Variants in COL4A4 observed in about 807,000 individuals in gnomAD.
The protein encoded by COL4A4 is collagen type IV alpha 4 chain.
COL4A4 carries 105 observed loss-of-function variants against 192.9 expected under a neutral mutation model. That is an observed-to-expected ratio of 0.54 (90% confidence interval 0.46 to 0.64). COL4A4 has a LOEUF of 0.64. COL4A4 is among the 30% of genes least tolerant of loss of function. The pLI is 0.00. For synonymous variants in COL4A4, 762 were observed against 769.9 expected (o/e 0.99, Z 0.17); for missense variants, 1,967 against 2,169.3 (o/e 0.91, Z 1.85).
Position 227,041,783 on chromosome 2 carries a change from G to GGAAAGAAAGA in COL4A4, c.3505+364_3505+365insTCTTTCTTTC, listed in dbSNP as rs1559476215. On this transcript the variant is annotated intron_variant, in intron 37 of 47. Coordinates refer to ENST00000396625, the MANE Select transcript of COL4A4 (RefSeq NM_000092.5). ...GGAAGGAAGGAAGGAAGGAAGGAAG[G>GGAAAGAAAGA]AAGGGAAAGAAAGAAAGAAAGGAAG... Among the ~76,000 whole-genome samples the GGAAAGAAAGA allele has an allele frequency of 1.7e-3, 96 of 55,886 alleles. 3 individuals are homozygous for GGAAAGAAAGA. Among genetic ancestry groups the GGAAAGAAAGA allele is most frequent in the East Asian group, 9.8e-3 (13 of 1,324 alleles). The allele number at this position is 55,886 out of a possible 152,430, so 36.7% of individuals were successfully genotyped here. A position where few individuals can be genotyped will look rare whatever the true frequency, so the allele number is the denominator to read the frequency against.
At chr2:227,143,021 CACACACAGAGGCAGATGAGCACATGG>C (rs1435601518) in intron 3 of COL4A4, among the ~76,000 whole-genome samples, 1 of 124,168 alleles carries the variant, frequency 8.1e-6, no homozygotes, top group Non-Finnish European at 1.5e-5. Flanking sequence ...CACACACACG[CACACACAGAGGCAGATGAGCACATGG>C]GCACACAGGC....
At chr2:227,136,351 C>T (rs1284695380) in intron 4 of COL4A4, among the ~76,000 whole-genome samples, 7 of 152,138 alleles carry the variant, frequency 4.6e-5, no homozygotes, top group Admixed American at 4.6e-4. Flanking sequence ...TTGAGAAGAA[C>T]AGGAAAGACA....
intron 7 of COL4A4, among the ~76,000 whole-genome samples, chr2:227,116,973 T>C (rs1048840894): frequency 3.9e-5 from 6 of 152,248 alleles, no homozygotes; most frequent in African/African-American, 1.4e-4. Flanking sequence ...ACACTTTGGT[T>C]CTCAATGCTT....
At chr2:227,021,438 T>C (rs1456743159) in intron 44 of COL4A4, among the ~76,000 whole-genome samples, 2 of 152,216 alleles carry the variant, frequency 1.3e-5, no homozygotes, top group Non-Finnish European at 2.9e-5. Context: ...TGACTGTTCA[T>C]GGAGCATCTA....
At chr2:227,047,911 C>A (rs1462372571) in intron 34 of COL4A4, among the ~76,000 whole-genome samples, 2 of 152,122 alleles carry the variant, frequency 1.3e-5, no homozygotes, top group Non-Finnish European at 2.9e-5. Flanking sequence ...AAACCAAAAT[C>A]AAAAATTGTA....
In COL4A4 at chr2:227,027,916, G is replaced by A. The variant is rs1472133934; in HGVS notation, c.4067C>T (p.Pro1356Leu). The A allele has an allele frequency of 2.1e-5, 34 of 1,612,246 alleles. No homozygotes were observed. The highest frequency in any genetic ancestry group is 2.8e-5 in the Non-Finnish European group (33 of 1,178,502). ...TGGAAGCTCACCCGGAAGACCAGTGGGCCCTTTTCTCCCTGGAGGTCCAGG... is the reference window on the plus strand; with the variant it reads ...TGGAAGCTCACCCGGAAGACCAGTGAGCCCTTTTCTCCCTGGAGGTCCAGG... ...GLPGPPGRKG[P>L]TGLPGPRGEP... is the part of the protein sequence containing the mutation. Residue 1356 changes from proline to leucine, a missense_variant, in exon 42 of 48, where the codon CCC becomes CTC. Transcript: ENST00000396625.
At chr2:227,100,658 C>T (rs1250676130) in intron 17 of COL4A4, among the ~76,000 whole-genome samples, 1 of 151,990 alleles carries the variant, frequency 6.6e-6, no homozygotes, top group Non-Finnish European at 1.5e-5. Context: ...AACTAATCTC[C>T]CACAGATAAC....
chr2:227,064,122 AT>A (rs1297313774), intron 25 of COL4A4, among the ~76,000 whole-genome samples: 1 of 152,194 alleles, frequency 6.6e-6, no homozygotes, highest in African/African-American at 2.4e-5. Flanking sequence ...CCACAGAAAT[AT>A]TCAAAATTAC....
At position 227,028,646 on chromosome 2, in the gene COL4A4, TA is replaced by T. The variant is rs1338153298; in HGVS notation, c.3974-638del. Among the ~76,000 whole-genome samples the T allele has an allele frequency of 1.2e-3, 28 of 23,784 alleles. 2 individuals are homozygous for T. The highest frequency in any genetic ancestry group is 5.8e-3 in the Admixed American group (13 of 2,248). 15.6% of individuals were successfully genotyped at this position (23,784 alleles called of 152,430 possible). ...AACTATGCTCTTTATAAAAGAAATT[TA>T]TTATTATTATTATTATTATTATTAT... On this transcript the variant is annotated intron_variant, in intron 41 of 47. Coordinates refer to ENST00000396625, the MANE Select transcript of COL4A4 (RefSeq NM_000092.5).
chr2:226,996,526 C>T, the COL4A4 span: 1 of 152,166 alleles, frequency 6.6e-6, no homozygotes, highest in African/African-American at 2.4e-5. Flanking sequence ...AGGACAAAGT[C>T]AGAAGATCAC....
chr2:227,164,407 G>T (rs934791565), upstream of COL4A4: 3 of 483,684 alleles, frequency 6.2e-6, no homozygotes, highest in African/African-American at 6.3e-5. This position sits in a 1 kb window ranked among gnomAD's most constrained non-coding sequence, Gnocchi z 4.8. Flanking sequence ...CTGGATCCGC[G>T]CCCACCTGCC....
At chr2:227,094,822 T>A (rs1157483420) in intron 19 of COL4A4, among the ~76,000 whole-genome samples, 1 of 152,196 alleles carries the variant, frequency 6.6e-6, no homozygotes, top group Non-Finnish European at 1.5e-5. Flanking sequence ...GTATCTTAAA[T>A]ATAAACAATT....
At chr2:227,050,867 G>T in intron 33 of COL4A4, 110 bp downstream of exon 33, 1 of 1,276,190 alleles carries the variant, frequency 7.8e-7, no homozygotes, top group Non-Finnish European at 1.1e-6. Flanking sequence ...CATTCTAAAA[G>T]CCAGTGAAAG....
chr2:226,995,346 A>G, the COL4A4 span: 9 of 802,732 alleles, frequency 1.1e-5, no homozygotes, highest in East Asian at 2.5e-5. Flanking sequence ...CACCCAAGCT[A>G]TCACTTTGTT....
chr2:227,015,687 G>T (rs1964713411), intron 44 of COL4A4, among the ~76,000 whole-genome samples: 1 of 152,288 alleles, frequency 6.6e-6, no homozygotes, highest in Admixed American at 6.5e-5. Context: ...AGAGCAGCTG[G>T]CAGCAAACCA....
chr2:227,040,510 C>A (rs1970553659), intron 37 of COL4A4, among the ~76,000 whole-genome samples: 1 of 151,736 alleles, frequency 6.6e-6, no homozygotes. Context: ...AAATGTGATA[C>A]AACGTAAGTG....
rs545923061 is a variant in COL4A4 at position 227,020,804 on chromosome 2, C to A, written c.4216+1244G>T. On this transcript the variant is annotated intron_variant, in intron 44 of 47. Coordinates refer to ENST00000396625, the MANE Select transcript of COL4A4 (RefSeq NM_000092.5). ...CTTCTAGATGCCCAGCCCTGGGCTC[C>A]CTAATATCTTTGTAAATTACCCAAT... 4.6e-5 allele frequency among the ~76,000 whole-genome samples: 7 copies of A among 152,014 alleles called. No individual in the cohort carries two copies. The East Asian group carries it at 1.4e-3, about 29-fold the overall frequency.
At chr2:227,011,400 G>A (rs1963668590) in intron 45 of COL4A4, among the ~76,000 whole-genome samples, 2 of 152,206 alleles carry the variant, frequency 1.3e-5, no homozygotes, top group Admixed American at 1.3e-4. Context: ...AACGAAGAGA[G>A]TGTAGAGTGT....
chr2:227,086,363 C>T (rs1175742181), intron 22 of COL4A4, among the ~76,000 whole-genome samples: 1 of 152,134 alleles, frequency 6.6e-6, no homozygotes, highest in Non-Finnish European at 1.5e-5. Flanking sequence ...TCATGCTCTT[C>T]TGTCTGTCCT....
Sources: gnomAD v4.1 joint callset for allele counts (sites outside exome capture counted in the v4.1 genomes callset) on GRCh38, gnomAD v4.1.1 for gene constraint, Gnocchi (gnomAD v3.1) non-coding constraint, MANE v1.5 for transcripts, NCBI Gene and HGNC (gene_info 2026-07-23, HGNC 2026-07-21) for gene names.